DNAH14: variants seen among roughly 807,000 people sequenced by gnomAD.
DNAH14 encodes axonemal beta dynein heavy chain 14.
Under a neutral mutation model 520.9 loss-of-function variants are expected in DNAH14, and 478 were observed. That is an observed-to-expected ratio of 0.92 (90% CI 0.85 to 0.99). DNAH14 has a LOEUF of 0.99. DNAH14 is among the 50% of genes least tolerant of loss of function. The pLI is 0.00. For missense variants in DNAH14, 4,831 were observed against 5,234.5 expected, an observed-to-expected ratio of 0.92 and a Z score of 2.38; for synonymous variants, 1,581 against 1,757.2, an observed-to-expected ratio of 0.90 and a Z score of 2.51.
chr1:225,234,826 T>C (rs1222330177), intron 42 of DNAH14, among the ~76,000 whole-genome samples: 1 of 152,186 alleles, frequency 6.6e-6, no homozygotes, highest in Non-Finnish European at 1.5e-5. Context: ...AGGAGTTTAT[T>C]CATGATTTGG....
chr1:225,299,477 G>A (rs1287173025), intron 55 of DNAH14, among the ~76,000 whole-genome samples: 2 of 151,840 alleles, frequency 1.3e-5, no homozygotes, highest in Non-Finnish European at 2.9e-5. Context: ...TAATATCCAG[G>A]GTTTCTGCTA....
rs1172633160 is a variant in DNAH14 at position 225,290,643 on chromosome 1, GTGTGTATATATATATATA to G, written c.8469+563_8469+580del. Among the ~76,000 whole-genome samples, 85 of 51,144 alleles carry G rather than the reference GTGTGTATATATATATATA, an allele frequency of 1.7e-3. 3 individuals are homozygous for G. Among genetic ancestry groups the G allele is most frequent in the South Asian group, 7.5e-3 (9 of 1,204 alleles). The allele number at this position is 51,144 out of a possible 152,430, so 33.6% of individuals were successfully genotyped here. A position where few individuals can be genotyped will look rare whatever the true frequency, so the allele number is the denominator to read the frequency against. The stretch of plus-strand genomic sequence containing the variant: ...TGTGTATAGATATATGTGTGTGTGT[GTGTGTATATATATATATA>G]TATATATATATATATATATATATAT... On this transcript the variant is annotated intron_variant, in intron 55 of 85. Transcript: ENST00000682510.
In DNAH14 at chr1:225,340,578, G is replaced by A; in HGVS notation, c.10555G>A (p.Val3519Ile). ...GLQDQLLSTV[V>I]THEVPHLEDQ... is the part of the protein sequence containing the mutation. ...GCAAGATCAACTCTTGTCTACTGTG[G>A]TAACTCATGAAGTTCCTCATTTAGA... The change falls in exon 69 of 86, where the codon GTA becomes ATA. Residue 3519 changes from valine to isoleucine, a missense_variant. Transcript: ENST00000682510. 1.3e-6 allele frequency: 2 copies of A among 1,551,380 alleles called. No homozygotes were observed. The highest frequency in any genetic ancestry group is 1.7e-6 in the Non-Finnish European group (2 of 1,146,870).
At chr1:225,354,899 C>A (rs2095413041) in intron 73 of DNAH14, among the ~76,000 whole-genome samples, 2 of 151,864 alleles carry the variant, frequency 1.3e-5, no homozygotes, top group Non-Finnish European at 2.9e-5. Context: ...TTTAAAAATT[C>A]TCTCTATGTA....
intron 41 of DNAH14, among the ~76,000 whole-genome samples, chr1:225,213,962 C>A (rs4440825): frequency 6.6e-6 from 1 of 151,884 alleles, no homozygotes; most frequent in Admixed American, 6.6e-5. Context: ...GGAGTGGTGA[C>A]AGAGGGTATC....
rs1490014458 is a variant in DNAH14 at position 225,335,992 on chromosome 1, CAT to C, written c.10081-1271_10081-1270del. Among the ~76,000 whole-genome samples the C allele has an allele frequency of 1.0e-4, 14 of 133,568 alleles. 1 individual carries two copies. Among genetic ancestry groups the C allele is most frequent in the Non-Finnish European group, 1.5e-4 (9 of 60,946 alleles). The allele number at this position is 133,568 out of a possible 152,430, so 87.6% of individuals were successfully genotyped here. A position where few individuals can be genotyped will look rare whatever the true frequency, so the allele number is the denominator to read the frequency against. On this transcript the variant is annotated intron_variant, in intron 66 of 85. Coordinates refer to ENST00000682510, the MANE Select transcript of DNAH14 (RefSeq NM_001367479.1). ...ATATGTACATATGTGTATATACACACATATGCATATATGTATACGCATATATG... is the reference window on the plus strand; with the variant it reads ...ATATGTACATATGTGTATATACACACATGCATATATGTATACGCATATATG...
chr1:225,291,357 C>G (rs186793204), intron 55 of DNAH14, among the ~76,000 whole-genome samples: 1 of 152,098 alleles, frequency 6.6e-6, no homozygotes, highest in Admixed American at 6.6e-5. Context: ...ATACTGATTT[C>G]CTTTTCTTTG....
rs2072830291 is a variant in DNAH14, at chr1:225,079,419, GT to G, written c.2640del (p.Phe880LeufsTer4). The G allele has an allele frequency of 6.5e-7, 1 of 1,549,786 alleles. No individual in the cohort carries two copies. Among genetic ancestry groups the G allele is most frequent in the Non-Finnish European group, 8.7e-7 (1 of 1,146,572 alleles). On this transcript the variant is annotated frameshift_variant, in exon 18 of 86. Transcript: ENST00000682510. LOFTEE classifies it high-confidence loss of function. ...CCATATTCCAAGTTCTTCTTCTTAAGTTTAGTCAACTAAAATCATCTATGAA... is the reference window on the plus strand; with the variant it reads ...CCATATTCCAAGTTCTTCTTCTTAAGTTAGTCAACTAAAATCATCTATGAA... Reference protein sequence around the residue: ...IAIFQVLLLKFSQLKSSMKLS... With the variant: ...IAIFQVLLLKXSQLKSSMKLS...
chr1:225,186,646 C>G (rs999552030), intron 37 of DNAH14, among the ~76,000 whole-genome samples: 1 of 151,534 alleles, frequency 6.6e-6, no homozygotes. Flanking sequence ...TTATTCTACA[C>G]TAAATATATT....
At chr1:225,338,987 T>C (rs2095120926) in intron 68 of DNAH14, among the ~76,000 whole-genome samples, 1 of 152,076 alleles carries the variant, frequency 6.6e-6, no homozygotes, top group Admixed American at 6.6e-5. Flanking sequence ...CTCATCAAAT[T>C]ATTACTCCTT....
intron 25 of DNAH14, among the ~76,000 whole-genome samples, chr1:225,118,602 G>T (rs1002822143): frequency 3.9e-5 from 6 of 152,110 alleles, no homozygotes; most frequent in Admixed American, 6.5e-5. Flanking sequence ...AGTGAGGAAG[G>T]CCGGGTGCAG....
intron 35 of DNAH14, among the ~76,000 whole-genome samples, chr1:225,165,281 T>C (rs1337394151): frequency 6.6e-6 from 1 of 152,138 alleles, no homozygotes; most frequent in Non-Finnish European, 1.5e-5. Context: ...CGTATGCCCT[T>C]AAAATTTTCA....
intron 3 of DNAH14, among the ~76,000 whole-genome samples, chr1:224,955,528 C>T (rs541977080): frequency 2.0e-5 from 3 of 152,014 alleles, no homozygotes; most frequent in Non-Finnish European, 4.4e-5. Flanking sequence ...TTTTTTAAGT[C>T]TTTTTTCCTT....
rs1385064626 is a variant in DNAH14, at chr1:225,304,924, T to G, written c.8840T>G (p.Leu2947Arg). 6.6e-7 allele frequency: 1 copy of G among 1,512,556 alleles called. No homozygotes were observed. Among genetic ancestry groups the G allele is most frequent in the Non-Finnish European group, 8.8e-7 (1 of 1,137,570 alleles). 93.7% of individuals were successfully genotyped at this position (1,512,556 alleles called of 1,614,324 possible). The change falls in exon 58 of 86, where the codon CTT (leucine) becomes CGT (arginine). Residue 2947 changes from leucine to arginine, a missense_variant. Coordinates refer to ENST00000682510, the MANE Select transcript of DNAH14 (RefSeq NM_001367479.1). ...FENRENLKEK[L>R]APTCVQIHKS... ...ATTCTTCAGAACTTGAAAGAAAAAC[T>G]TGCCCCAACATGTGTCCAAATCCAC...
chr1:225,082,838 A>C, intron 20 of DNAH14, 99 bp downstream of exon 20: 1 of 995,964 alleles, frequency 1.0e-6, no homozygotes. Flanking sequence ...TTAGGAAAGG[A>C]AGTTTATAAG....
At chr1:225,331,414 A>G (rs41304141) in intron 64 of DNAH14, 23 bp from the exon 65 acceptor site, 80,593 of 1,544,778 alleles carry the variant, frequency 0.052, 2,299 homozygotes, top group South Asian at 0.072. Flanking sequence ...ATTTTTCTCA[A>G]TAATGAATTA....
intron 1 of DNAH14, among the ~76,000 whole-genome samples, chr1:224,934,148 C>A (rs761037899): frequency 6.6e-6 from 1 of 151,708 alleles, no homozygotes; most frequent in East Asian, 1.9e-4. Flanking sequence ...ATGACACCTC[C>A]GAAGGAACAC....
chr1:224,968,991 T>C, intron 7 of DNAH14, 117 bp downstream of exon 7: 1 of 653,294 alleles, frequency 1.5e-6, no homozygotes, highest in Non-Finnish European at 2.5e-6. Flanking sequence ...TACTAATTCT[T>C]TTATCTAAAA....
intron 36 of DNAH14, among the ~76,000 whole-genome samples, chr1:225,174,838 G>A (rs1372702431): frequency 6.6e-6 from 1 of 152,104 alleles, no homozygotes; most frequent in African/African-American, 2.4e-5. Flanking sequence ...TTGTGTTGAT[G>A]TATGTCCCTT....
Sources: gnomAD v4.1 joint callset for allele counts (sites outside exome capture counted in the v4.1 genomes callset) on GRCh38, gnomAD v4.1.1 for gene constraint, MANE v1.5 for transcripts, NCBI Gene and HGNC (gene_info 2026-07-23, HGNC 2026-07-21) for gene names.